MCM10: variants seen among roughly 807,000 people sequenced by gnomAD.
MCM10 encodes the protein protein MCM10 homolog.
A neutral mutation model predicts 109.9 loss-of-function variants in MCM10; 91 were observed. That is an observed-to-expected ratio of 0.83 (90% CI 0.70 to 0.99). The LOEUF is 0.99. Ranked by LOEUF, MCM10 falls within the 50% of genes least tolerant of loss-of-function variation. The pLI is 0.00. For synonymous variants in MCM10, 380 were observed against 387.2 expected (o/e 0.98, Z 0.22); for missense variants, 1,077 against 1,061.2 (o/e 1.01, Z -0.21).
At chr10:13,167,399 T>G (rs1172779057) in intron 2 of MCM10, among the ~76,000 whole-genome samples, 1 of 151,724 alleles carries the variant, frequency 6.6e-6, no homozygotes, top group Non-Finnish European at 1.5e-5. Flanking sequence ...GGATGGGAGG[T>G]TGGATCACAG....
chr10:13,189,857 C>T (rs943474962), intron 10 of MCM10, among the ~76,000 whole-genome samples: 2 of 152,172 alleles, frequency 1.3e-5, no homozygotes, highest in Non-Finnish European at 2.9e-5. Context: ...AGAGTCACTA[C>T]AGCCCCTGAC....
chr10:13,166,230 T>G (rs148877544), intron 2 of MCM10, among the ~76,000 whole-genome samples: 1 of 152,028 alleles, frequency 6.6e-6, no homozygotes, highest in African/African-American at 2.4e-5. Context: ...AGTGGAAGAA[T>G]TGGCTGTGAA....
intron 17 of MCM10, 35 bp downstream of exon 17, chr10:13,201,569 C>T: frequency 3.4e-6 from 5 of 1,482,324 alleles, no homozygotes; most frequent in Non-Finnish European, 4.7e-6. Context: ...AACCCATGGG[C>T]CCTGTGTGGT....
In MCM10 at chr10:13,195,247, G is replaced by A; in HGVS notation, c.1952G>A (p.Ser651Asn). 6.2e-7 allele frequency: 1 copy of A among 1,605,652 alleles called. No homozygotes were observed. The highest frequency in any genetic ancestry group is 8.5e-7 in the Non-Finnish European group (1 of 1,175,582). Residue 651 changes from serine (S) to asparagine (N), a missense_variant, in exon 14 of 20, where the codon AGT becomes AAT. Coordinates refer to ENST00000378714, the MANE Select transcript of MCM10 (RefSeq NM_018518.5). The stretch of plus-strand genomic sequence containing the variant: ...TCACCACCACCAAGACCAAAACTGA[G>A]TGCTTTAGCAGAAGCCAAAAAGGTA... The part of the protein sequence containing the change: ...DESPPPRPKL[S>N]ALAEAKKLAA...
chr10:13,201,510 G>A lies in MCM10; in HGVS notation c.2328G>A (p.Lys776=). 2 of 1,611,044 alleles carry A rather than the reference G, an allele frequency of 1.2e-6. No individual in the cohort carries two copies. The highest frequency in any genetic ancestry group is 1.3e-5 in the African/African-American group (1 of 74,960). The change falls in exon 17 of 20, where the codon AAG becomes AAA. Residue 776 remains lysine, a synonymous_variant. Coordinates refer to ENST00000378714, the MANE Select transcript of MCM10 (RefSeq NM_018518.5). The part of the protein sequence containing the change: ...EEKMRNIREV[K]CRVVTCKTCA... ...AGATGAGAAACATCAGAGAAGTGAAGTGCCGTGTCGTGACATGCAAGACGG... is the reference window on the plus strand; with the variant it reads ...AGATGAGAAACATCAGAGAAGTGAAATGCCGTGTCGTGACATGCAAGACGG...
At chr10:13,185,428 G>T (rs1412668940) in intron 8 of MCM10, among the ~76,000 whole-genome samples, 3 of 152,150 alleles carry the variant, frequency 2.0e-5, no homozygotes, top group African/African-American at 4.8e-5. Flanking sequence ...TCTCCCTCCA[G>T]TCATCTCCAT....
At chr10:13,184,873 A>G (rs1834253940) in intron 8 of MCM10, among the ~76,000 whole-genome samples, 2 of 152,256 alleles carry the variant, frequency 1.3e-5, no homozygotes. Context: ...GAGGAATACC[A>G]TGCACTGTTT....
Position 13,172,657 on chromosome 10 carries a change from AG to A in MCM10, c.486del (p.Arg163GlufsTer44). The A allele has an allele frequency of 6.2e-7, 1 of 1,614,126 alleles. No individual in the cohort carries two copies. The highest frequency in any genetic ancestry group is 1.3e-5 in the African/African-American group (1 of 75,018). On this transcript the variant is annotated frameshift_variant, in exon 5 of 20. Transcript: ENST00000378714. LOFTEE classifies it high-confidence loss of function. The surrounding 1 kb of genome is among the most constrained non-coding windows in gnomAD (Gnocchi z 5.2). The part of the protein sequence containing the change: ...EKSPRPPLKE[R>X]RVQRIQESTC... ...GTCTCCCCGGCCACCTCTTAAGGAGAGGAGAGTTCAGAGAATTCAGGAGTCA... is the reference window on the plus strand; with the variant it reads ...GTCTCCCCGGCCACCTCTTAAGGAGAGAGAGTTCAGAGAATTCAGGAGTCA...
chr10:13,172,528 AATT>A lies in MCM10; in HGVS notation c.454+51_454+53del, dbSNP rs1287910780. 1.0e-5 allele frequency: 16 copies of A among 1,604,334 alleles called. No individual in the cohort carries two copies. Among genetic ancestry groups the A allele is most frequent in the Non-Finnish European group, 1.4e-5 (16 of 1,171,726 alleles). On this transcript the variant is annotated intron_variant, in intron 4 of 19. Coordinates refer to ENST00000378714, the MANE Select transcript of MCM10 (RefSeq NM_018518.5). The surrounding 1 kb of genome is among the most constrained non-coding windows in gnomAD (Gnocchi z 5.2). ...AATCGTGTGCATTTATTTTATTAGA[AATT>A]ATCACATCATTTCTGCATCCAACTC...
At chr10:13,171,319 C>A in intron 3 of MCM10, 56 bp downstream of exon 3, 1 of 1,423,372 alleles carries the variant, frequency 7.0e-7, no homozygotes, top group Admixed American at 2.3e-5. Context: ...TGAAGACCAC[C>A]AATCTGATAG....
At chr10:13,197,923 T>A (rs573449561) in intron 15 of MCM10, among the ~76,000 whole-genome samples, 156 bp downstream of exon 15, 2 of 152,054 alleles carry the variant, frequency 1.3e-5, no homozygotes, top group Admixed American at 6.5e-5. Context: ...ACTGATTTTT[T>A]TTTTTTTTTT....
chr10:13,191,609 A>G (rs2131578993), intron 11 of MCM10, among the ~76,000 whole-genome samples: 1 of 152,356 alleles, frequency 6.6e-6, no homozygotes, highest in East Asian at 1.9e-4. Context: ...AGGGTTGAAA[A>G]TGGATACAGC....
At chr10:13,188,742 T>G in intron 9 of MCM10, 139 bp from the exon 10 acceptor site, 1 of 752,836 alleles carries the variant, frequency 1.3e-6, no homozygotes, top group Non-Finnish European at 2.3e-6. Flanking sequence ...CCTTCCACAT[T>G]GGGAACGGTC....
chr10:13,191,823 G>C (rs1485725580), intron 11 of MCM10, among the ~76,000 whole-genome samples: 2 of 152,110 alleles, frequency 1.3e-5, no homozygotes, highest in Non-Finnish European at 2.9e-5. Flanking sequence ...AGAATCAGCA[G>C]TATTATCTTC....
intron 18 of MCM10, among the ~76,000 whole-genome samples, chr10:13,206,094 T>C (rs1361562246): frequency 6.6e-6 from 1 of 152,214 alleles, no homozygotes; most frequent in African/African-American, 2.4e-5. Flanking sequence ...GTTGCTGTGA[T>C]CCTCTTGTTA....
At chr10:13,165,250 G>A (rs951414015) in intron 2 of MCM10, among the ~76,000 whole-genome samples, 1 of 152,162 alleles carries the variant, frequency 6.6e-6, no homozygotes, top group African/African-American at 2.4e-5. Context: ...TGTAATAAAA[G>A]TTATGTGAAT....
At chr10:13,189,149 C>T (rs1292581521) in intron 10 of MCM10, 69 bp downstream of exon 10, 14 of 1,496,766 alleles carry the variant, frequency 9.4e-6, no homozygotes, top group Non-Finnish European at 1.3e-5. Flanking sequence ...ACTGGTTGTA[C>T]CTTCCTGTAA....
rs759424810 is a variant in MCM10 at position 13,194,532 on chromosome 10, C to T, written c.1746-509C>T. 3.4e-5 allele frequency among the ~76,000 whole-genome samples: 5 copies of T among 148,626 alleles called. No individual in the cohort carries two copies. In the South Asian group the frequency reaches 6.3e-4, roughly 19 times the overall value. ...CTGCACTCCAGCCTGGGTGACACAG[C>T]GAGACTCTGTCTCAAAAAAATCAAA... is the stretch of plus-strand genomic sequence containing the variant. On this transcript the variant is annotated intron_variant, in intron 13 of 19. Transcript: ENST00000378714.
At chr10:13,171,322 T>C (rs1834070607) in intron 3 of MCM10, 59 bp downstream of exon 3, 3 of 1,415,134 alleles carry the variant, frequency 2.1e-6, no homozygotes, top group Non-Finnish European at 2.9e-6. Flanking sequence ...AGACCACCAA[T>C]CTGATAGTTG....
Sources: gnomAD v4.1 joint callset for allele counts (sites outside exome capture counted in the v4.1 genomes callset) on GRCh38, gnomAD v4.1.1 for gene constraint, Gnocchi (gnomAD v3.1) non-coding constraint, MANE v1.5 for transcripts, NCBI Gene and HGNC (gene_info 2026-07-23, HGNC 2026-07-21) for gene names.